PLA2R1: variants seen among roughly 807,000 people sequenced by gnomAD.
PLA2R1 encodes secretory phospholipase A2 receptor.
In PLA2R1, 158 loss-of-function variants were observed where a neutral mutation model predicts 195.9. The observed-to-expected ratio is 0.81, with a 90% CI of 0.71 to 0.92. The LOEUF (loss-of-function observed/expected upper bound fraction) is 0.92. Among genes scored for constraint, PLA2R1 ranks in the 40% least tolerant of loss-of-function variants. The pLI, the probability that PLA2R1 is intolerant of heterozygous loss-of-function variation, is 0.00. For missense variants in PLA2R1, 1,626 were observed against 1,764.6 expected, an observed-to-expected ratio of 0.92 and a Z score of 1.41; for synonymous variants, 586 against 598.2, an observed-to-expected ratio of 0.98 and a Z score of 0.30.
At chr2:159,999,385 G>T (rs2105369104) in intron 11 of PLA2R1, among the ~76,000 whole-genome samples, 1 of 302 alleles carries the variant, frequency 3.3e-3, no homozygotes, top group Non-Finnish European at 6.3e-3. Context: ...TTTTTTTTGA[G>T]ACGGAGTCTC....
At chr2:160,025,587 G>GAAAAAAAAAAAAAAA (rs1693455459) in intron 6 of PLA2R1, among the ~76,000 whole-genome samples, 1 of 8,900 alleles carries the variant, frequency 1.1e-4, no homozygotes, top group African/African-American at 3.4e-4. Flanking sequence ...TAACCATAAA[G>GAAAAAAAAAAAAAAA]CAAAAAAAAA....
At chr2:159,996,290 A>T (rs1691206290) in intron 11 of PLA2R1, among the ~76,000 whole-genome samples, 1 of 152,096 alleles carries the variant, frequency 6.6e-6, no homozygotes, top group Non-Finnish European at 1.5e-5. Flanking sequence ...CTTCATTTTT[A>T]AAGGATACTT....
At chr2:159,971,252 A>T (rs1340277485) in intron 17 of PLA2R1, among the ~76,000 whole-genome samples, 1 of 151,168 alleles carries the variant, frequency 6.6e-6, no homozygotes, top group Non-Finnish European at 1.5e-5. Flanking sequence ...TATCACCAAT[A>T]AAAAAACCAC....
Position 160,013,339 on chromosome 2 carries a change from C to A in PLA2R1, c.1588G>T (p.Asp530Tyr). The A allele has an allele frequency of 6.2e-7, 1 of 1,610,300 alleles. No homozygotes were observed. Among genetic ancestry groups the A allele is most frequent in the South Asian group, 1.1e-5 (1 of 90,908 alleles). ...ERHGGFCYKI[D>Y]TVLRSFDQAS... ...TGGTCAAAGCTTCGAAGGACTGTGTCAATTTTGTAACAGAATCCACCATGT... is the reference window on the plus strand; with the variant it reads ...TGGTCAAAGCTTCGAAGGACTGTGTAAATTTTGTAACAGAATCCACCATGT... Residue 530 changes from aspartate to tyrosine, a missense_variant, in exon 10 of 30, where the codon GAC (aspartate) becomes TAC (tyrosine). Physicochemically the swap from Asp to Tyr is radical, Grantham distance 160. Coordinates refer to ENST00000283243, the MANE Select transcript of PLA2R1 (RefSeq NM_007366.5).
At chr2:159,984,738 T>C (rs1690205906) in intron 12 of PLA2R1, among the ~76,000 whole-genome samples, 1 of 152,156 alleles carries the variant, frequency 6.6e-6, no homozygotes, top group Non-Finnish European at 1.5e-5. Context: ...AGGTCTTCTG[T>C]TGGCTTTATT....
rs1226541668 is a variant in PLA2R1 at position 159,939,155 on chromosome 2, C to G, written c.*2623G>C. 6.6e-6 allele frequency: 1 copy of G among 152,130 alleles called. No homozygotes were observed. The highest frequency in any genetic ancestry group is 1.5e-5 in the Non-Finnish European group (1 of 68,032). 9.4% of individuals were successfully genotyped at this position (152,130 alleles called of 1,614,324 possible). A position where few individuals can be genotyped will look rare whatever the true frequency, so the allele number is the denominator to read the frequency against. On this transcript the variant is annotated 3_prime_UTR_variant, in exon 30 of 30. Transcript: ENST00000283243. The stretch of plus-strand genomic sequence containing the variant: ...TCACGCAAATAGTGTATAATATACC[C>G]ATTACCTGCTACTTTTTTTTCTTTT...
At position 159,984,545 on chromosome 2, in the gene PLA2R1, T is replaced by C. The variant is rs149616711; in HGVS notation, c.2038-472A>G. ...CTTCTGACAGATTAGAATTAGCAGA[T>C]TGATCATTACTCTGGCTGACCCAGG... is the stretch of plus-strand genomic sequence containing the variant. On this transcript the variant is annotated intron_variant, in intron 12 of 29. Transcript: ENST00000283243. Among the ~76,000 whole-genome samples the C allele has an allele frequency of 1.2e-3, 188 of 152,304 alleles. 6 individuals are homozygous for C. In the East Asian group the frequency reaches 0.033, roughly 27 times the overall value.
At chr2:159,945,319 G>C (rs923820318) in intron 27 of PLA2R1, among the ~76,000 whole-genome samples, 4 of 151,960 alleles carry the variant, frequency 2.6e-5, no homozygotes, top group Admixed American at 6.6e-5. Flanking sequence ...TCCAGCATTA[G>C]GTATATCTCC....
intron 4 of PLA2R1, among the ~76,000 whole-genome samples, chr2:160,031,307 T>C (rs1199093262): frequency 6.6e-6 from 1 of 152,210 alleles, no homozygotes; most frequent in African/African-American, 2.4e-5. Flanking sequence ...ACAAATAGTT[T>C]TATCAATATC....
chr2:159,977,656 G>A (rs896535678), intron 14 of PLA2R1, among the ~76,000 whole-genome samples: 12 of 152,082 alleles, frequency 7.9e-5, no homozygotes, highest in Admixed American at 3.9e-4. Context: ...GAAAACAAAA[G>A]GCCAGGCACG....
At chr2:160,008,558 T>G (rs1306733273) in intron 10 of PLA2R1, among the ~76,000 whole-genome samples, 1 of 152,130 alleles carries the variant, frequency 6.6e-6, no homozygotes, top group Non-Finnish European at 1.5e-5. Flanking sequence ...CAAAGTAGAT[T>G]AAAGACCTAA....
intron 26 of PLA2R1, among the ~76,000 whole-genome samples, chr2:159,947,120 A>G (rs1233700271): frequency 6.6e-6 from 1 of 152,236 alleles, no homozygotes; most frequent in Non-Finnish European, 1.5e-5. Flanking sequence ...GGCATAGAAT[A>G]TTAATTTTAG....
chr2:159,942,245 A>G, intron 28 of PLA2R1, 86 bp from the exon 29 acceptor site: 2 of 960,032 alleles, frequency 2.1e-6, no homozygotes, highest in Non-Finnish European at 3.3e-6. Flanking sequence ...TCAGCAAACT[A>G]TGGCCCATGA....
intron 11 of PLA2R1, among the ~76,000 whole-genome samples, chr2:159,990,262 A>G (rs1250929907): frequency 6.6e-6 from 1 of 152,184 alleles, no homozygotes; most frequent in Non-Finnish European, 1.5e-5. Context: ...AAGAAAAATG[A>G]TTATTCTCAG....
intron 3 of PLA2R1, among the ~76,000 whole-genome samples, chr2:160,034,793 G>T (rs1223684298): frequency 3.9e-5 from 6 of 152,084 alleles, no homozygotes; most frequent in African/African-American, 1.4e-4. Context: ...AAGATGCCGG[G>T]TATGGTGTCT....
At position 159,969,214 on chromosome 2, in the gene PLA2R1, T is replaced by C. The variant is rs368725722; in HGVS notation, c.2764+42A>G. 4 of 931,478 alleles carry C rather than the reference T, an allele frequency of 4.3e-6. No homozygotes were observed. The African/African-American group carries it at 6.6e-5, about 15-fold the overall frequency. The allele number at this position is 931,478 out of a possible 1,614,324, so 57.7% of individuals were successfully genotyped here. Reference sequence around the variant, plus strand: ...AAGACTTTAAGCCTCCTGAAAATTATCAGTTTGTATTATAAACCCAAAAAT... The same window carrying C: ...AAGACTTTAAGCCTCCTGAAAATTACCAGTTTGTATTATAAACCCAAAAAT... On this transcript the variant is annotated intron_variant, in intron 19 of 29. Transcript: ENST00000283243.
At chr2:160,039,323 C>CCAGA (rs1250016786) in intron 3 of PLA2R1, among the ~76,000 whole-genome samples, 1 of 152,142 alleles carries the variant, frequency 6.6e-6, no homozygotes, top group Non-Finnish European at 1.5e-5. Flanking sequence ...CCAAGAGAGT[C>CCAGA]CAGAATGGCC....
chr2:159,939,452 G>A lies in PLA2R1; in HGVS notation c.*2326C>T, dbSNP rs1686991835. On this transcript the variant is annotated 3_prime_UTR_variant, in exon 30 of 30. Transcript: ENST00000283243. ...ACCAGGCAGTTGAAGGTTGCAGTGA[G>A]CTGAGATCATGCCACTGTACTCCTG... 6.8e-6 allele frequency: 1 copy of A among 146,208 alleles called. No individual in the cohort carries two copies. Among genetic ancestry groups the A allele is most frequent in the Non-Finnish European group, 1.5e-5 (1 of 67,438 alleles). 9.1% of individuals were successfully genotyped at this position (146,208 alleles called of 1,614,324 possible). A position where few individuals can be genotyped will look rare whatever the true frequency, so the allele number is the denominator to read the frequency against.
chr2:159,976,427 C>T (rs1295385814), intron 16 of PLA2R1, among the ~76,000 whole-genome samples: 1 of 151,918 alleles, frequency 6.6e-6, no homozygotes, highest in African/African-American at 2.4e-5. Flanking sequence ...TACAAGATAC[C>T]TTCACTAGTA....
Sources: allele counts gnomAD v4.1 joint callset (sites outside exome capture counted in the v4.1 genomes callset), GRCh38; gene constraint gnomAD v4.1.1; transcripts MANE v1.5; gene names NCBI Gene and HGNC (gene_info 2026-07-23, HGNC 2026-07-21).